Variants in ASAP1 observed in about 807,000 individuals in gnomAD.
ASAP1 encodes the protein arf-GAP with SH3 domain, ANK repeat and PH domain-containing protein 1.
In ASAP1, 43 loss-of-function variants were observed where a neutral mutation model predicts 145.2. The observed-to-expected ratio is 0.30, with a 90% CI of 0.23 to 0.38. The LOEUF (loss-of-function observed/expected upper bound fraction) is 0.38, where lower values mean the gene tolerates loss of function less well. Among genes scored for constraint, ASAP1 ranks in the 10% least tolerant of loss-of-function variants. The pLI is 1.00. For synonymous variants in ASAP1, 546 were observed against 515.5 expected, an observed-to-expected ratio of 1.06 and a Z score of -0.80; for missense variants, 1,018 against 1,355.3, an observed-to-expected ratio of 0.75 and a Z score of 3.91.
At chr8:130,354,305 C>T (rs550264077) in intron 3 of ASAP1, among the ~76,000 whole-genome samples, 3 of 152,272 alleles carry the variant, frequency 2.0e-5, no homozygotes, top group Admixed American at 2.0e-4. Flanking sequence ...GATAAATGTT[C>T]CTCTTTCAGA....
chr8:130,238,251 A>G (rs890376159), intron 3 of ASAP1, among the ~76,000 whole-genome samples: 2 of 152,118 alleles, frequency 1.3e-5, no homozygotes, highest in Non-Finnish European at 2.9e-5. Flanking sequence ...AACAAGGACC[A>G]CAATGCTCAG....
intron 1 of ASAP1, among the ~76,000 whole-genome samples, chr8:130,421,692 A>T (rs541179094): frequency 6.6e-6 from 1 of 152,326 alleles, no homozygotes; most frequent in South Asian, 2.1e-4. Flanking sequence ...ACTCCCACCG[A>T]ACTAGAAATA....
chr8:130,291,545 C>G (rs1821944901), intron 3 of ASAP1, among the ~76,000 whole-genome samples: 1 of 152,040 alleles, frequency 6.6e-6, no homozygotes, highest in Non-Finnish European at 1.5e-5. Context: ...CTATCTCCCT[C>G]AGGGTTTCGG....
chr8:130,428,362 A>G (rs1258177511), intron 1 of ASAP1, among the ~76,000 whole-genome samples: 1 of 42,344 alleles, frequency 2.4e-5, no homozygotes, highest in Non-Finnish European at 5.2e-5. Flanking sequence ...ACAGTCAGAC[A>G]CATGTGGCCA....
chr8:130,437,664 C>CA (rs1830360809), intron 1 of ASAP1, among the ~76,000 whole-genome samples: 1 of 151,772 alleles, frequency 6.6e-6, no homozygotes, highest in Non-Finnish European at 1.5e-5. Flanking sequence ...ACACACAGGA[C>CA]AAGTTTTTAC....
At chr8:130,435,224 G>A (rs1303322306) in intron 1 of ASAP1, among the ~76,000 whole-genome samples, 1 of 152,202 alleles carries the variant, frequency 6.6e-6, no homozygotes. Flanking sequence ...CACATAACTA[G>A]TCAGTATCCA....
At chr8:130,428,171 G>A (rs1321302763) in intron 1 of ASAP1, among the ~76,000 whole-genome samples, 2 of 151,984 alleles carry the variant, frequency 1.3e-5, no homozygotes, top group Non-Finnish European at 2.9e-5. Flanking sequence ...ACCTCTTGAG[G>A]AACTGTCCCT....
rs1044091786 is a variant in ASAP1, at chr8:130,358,617, G to C, written c.60-474C>G. 5.4e-5 allele frequency among the ~76,000 whole-genome samples: 8 copies of C among 147,286 alleles called. No homozygotes were observed. Among genetic ancestry groups the C allele is most frequent in the African/African-American group, 1.9e-4 (8 of 41,036 alleles). ...GACTGAGCGCACACTCCCGCGGCGG[G>C]CGGGCGGGCGGGCGGCGCTCGCGCT... On this transcript the variant is annotated intron_variant, in intron 2 of 29. Transcript: ENST00000518721. The surrounding 1 kb of genome is among the most constrained non-coding windows in gnomAD (Gnocchi z 4.1).
chr8:130,193,806 A>G (rs1201276770), intron 5 of ASAP1, among the ~76,000 whole-genome samples: 2 of 152,236 alleles, frequency 1.3e-5, no homozygotes, highest in East Asian at 3.8e-4. Context: ...TTCCAAACAA[A>G]AAGTGCCTCA....
chr8:130,425,570 C>A (rs1210652399), intron 1 of ASAP1, among the ~76,000 whole-genome samples: 1 of 152,060 alleles, frequency 6.6e-6, no homozygotes, highest in African/African-American at 2.4e-5. Flanking sequence ...CATGGACCAG[C>A]AGAGGGAACA....
At chr8:130,412,480 G>GC (rs1332603851) in intron 1 of ASAP1, among the ~76,000 whole-genome samples, 1 of 151,548 alleles carries the variant, frequency 6.6e-6, no homozygotes, top group Non-Finnish European at 1.5e-5. Context: ...GTTTTTTGAG[G>GC]CCCCCCAGAA....
At chr8:130,070,391 G>T (rs1294661285) in intron 27 of ASAP1, among the ~76,000 whole-genome samples, 2 of 152,160 alleles carry the variant, frequency 1.3e-5, no homozygotes, top group East Asian at 3.9e-4. Context: ...TATCACACTG[G>T]AGAATGTTTC....
chr8:130,301,858 TCA>T (rs763883089), intron 3 of ASAP1, among the ~76,000 whole-genome samples: 25 of 152,208 alleles, frequency 1.6e-4, no homozygotes, highest in Admixed American at 6.5e-5. Flanking sequence ...TAAGGATGTC[TCA>T]TTCTTTCTGC....
intron 3 of ASAP1, among the ~76,000 whole-genome samples, chr8:130,351,600 G>A (rs1011177255): frequency 2.0e-5 from 3 of 152,120 alleles, no homozygotes; most frequent in Non-Finnish European, 4.4e-5. Context: ...ATGGCAGGAG[G>A]AGAAGTGGGA....
intron 4 of ASAP1, among the ~76,000 whole-genome samples, chr8:130,232,144 T>C (rs146397020): frequency 3.7e-4 from 57 of 152,334 alleles, no homozygotes; most frequent in African/African-American, 1.3e-3. Context: ...ATCTTGTCTA[T>C]GGACTGGCCT....
intron 4 of ASAP1, among the ~76,000 whole-genome samples, chr8:130,227,429 T>G (rs1817649196): frequency 6.6e-6 from 1 of 151,956 alleles, no homozygotes; most frequent in South Asian, 2.1e-4. Context: ...ATTTTTTTTT[T>G]GTATTTTTTG....
At chr8:130,232,459 C>A (rs963608156) in intron 4 of ASAP1, among the ~76,000 whole-genome samples, 3 of 152,128 alleles carry the variant, frequency 2.0e-5, no homozygotes, top group Non-Finnish European at 4.4e-5. Flanking sequence ...GAGAACAACA[C>A]AGGAAAACTG....
At chr8:130,335,757 G>A (rs1824993538) in intron 3 of ASAP1, among the ~76,000 whole-genome samples, 1 of 152,216 alleles carries the variant, frequency 6.6e-6, no homozygotes, top group Non-Finnish European at 1.5e-5. Context: ...GGGAGAGATA[G>A]TCTGAGGTTA....
intron 4 of ASAP1, among the ~76,000 whole-genome samples, chr8:130,217,561 G>C (rs1054614709): frequency 7.2e-5 from 7 of 97,182 alleles, no homozygotes; most frequent in African/African-American, 1.2e-4. Flanking sequence ...CACACACACA[G>C]ATCTTTTCCT....
Sources: gnomAD v4.1 joint callset for allele counts (sites outside exome capture counted in the v4.1 genomes callset) on GRCh38, gnomAD v4.1.1 for gene constraint, Gnocchi (gnomAD v3.1) non-coding constraint, MANE v1.5 for transcripts, NCBI Gene and HGNC (gene_info 2026-07-23, HGNC 2026-07-21) for gene names.